EXOG: variants seen among roughly 807,000 people sequenced by gnomAD.
The protein encoded by EXOG is exo/endonuclease G, also known as nuclease EXOG, mitochondrial.
In EXOG, 27 loss-of-function variants were observed where a neutral mutation model predicts 25.8. The observed-to-expected ratio is 1.05, with a 90% confidence interval of 0.77 to 1.45. The LOEUF (loss-of-function observed/expected upper bound fraction) is 1.45, where lower values mean the gene tolerates loss of function less well. Among genes scored for constraint, EXOG ranks in the 40% most tolerant of loss-of-function variants. EXOG has a pLI of 0.00. For missense variants in EXOG, 458 were observed against 450.5 expected (o/e 1.02, Z -0.15); for synonymous variants, 133 against 167.0 (o/e 0.80, Z 1.57).
chr3:38,501,472 C>G lies in EXOG; in HGVS notation c.431C>G (p.Ala144Gly). ...TGGTCACGAGGACACATGGCTCCAG[C>G]AGGAAATAACAAATTTTCAAGTGTA... is the stretch of plus-strand genomic sequence containing the variant. Reference protein sequence around the residue: ...SGWSRGHMAPAGNNKFSSKAM... With the variant: ...SGWSRGHMAPGGNNKFSSKAM... Residue 144 changes from alanine to glycine, a missense_variant, in exon 3 of 6, where the codon GCA becomes GGA. This residue lies in a region of EXOG where 275 missense variants were observed against 230.5 expected (regional missense o/e 1.19). Coordinates refer to ENST00000287675, the MANE Select transcript of EXOG (RefSeq NM_005107.4). The G allele has an allele frequency of 6.2e-7, 1 of 1,613,890 alleles. No homozygotes were observed. Among genetic ancestry groups the G allele is most frequent in the Non-Finnish European group, 8.5e-7 (1 of 1,179,888 alleles).
intron 1 of EXOG, 23 bp from the exon 2 acceptor site, chr3:38,497,603 CCTT>C (rs777659856): frequency 6.0e-6 from 9 of 1,504,116 alleles, no homozygotes; most frequent in East Asian, 4.9e-5. Flanking sequence ...CTCTGCCCCC[CCTT>C]TTTTTTTTTT....
rs373915238 is a variant in EXOG, at chr3:38,501,308, G to A, written c.314-47G>A. On this transcript the variant is annotated intron_variant, in intron 2 of 5. Transcript: ENST00000287675. ...TTGCCTTGCTTAGAGAATCTTGAGG[G>A]ACATTTGTCTACTGATAACATATCC... 2.1e-5 allele frequency: 33 copies of A among 1,567,338 alleles called. No individual in the cohort carries two copies. In the African/African-American group the frequency reaches 4.2e-4, roughly 20 times the overall value.
chr3:38,501,628 A>G (rs752972381), intron 3 of EXOG, 134 bp downstream of exon 3: 2 of 709,394 alleles, frequency 2.8e-6, no homozygotes, highest in South Asian at 2.0e-5. Context: ...CTTCCTGACA[A>G]TATGTCTCTT....
rs1345325526 is a variant in EXOG, at chr3:38,497,672, A to T, written c.207A>T (p.Leu69Phe). ...TCTTGGAACAATTTGGATTCCCTTT[A>T]ACTGGAACAGAGGCAAGGTGTTACA... is the stretch of plus-strand genomic sequence containing the variant. Reference protein sequence around the residue: ...KAVLEQFGFPLTGTEARCYTN... With the variant: ...KAVLEQFGFPFTGTEARCYTN... The change falls in exon 2 of 6, where the codon TTA (leucine) becomes TTT (phenylalanine). Residue 69 changes from leucine (L) to phenylalanine (F), a missense_variant. By Grantham distance (22) the Leu-to-Phe change is conservative. Transcript: ENST00000287675. 6.2e-7 allele frequency: 1 copy of T among 1,602,752 alleles called. No homozygotes were observed. Among genetic ancestry groups the T allele is most frequent in the East Asian group, 2.2e-5 (1 of 44,500 alleles).
chr3:38,506,423 A>T (rs1388304421), intron 4 of EXOG, among the ~76,000 whole-genome samples: 1 of 152,228 alleles, frequency 6.6e-6, no homozygotes, highest in Non-Finnish European at 1.5e-5. Context: ...CTTGAAATTT[A>T]TCCTAAGGAA....
chr3:38,523,256 A>ACAG (rs2125806426), intron 5 of EXOG: 14 of 1,286,902 alleles, frequency 1.1e-5, no homozygotes, highest in African/African-American at 1.5e-5. Context: ...AGAGAAAATG[A>ACAG]CAGCTTTTCT....
Position 38,496,407 on chromosome 3 carries a change from C to A in EXOG, c.40C>A (p.Arg14Ser), listed in dbSNP as rs989147841. The A allele has an allele frequency of 6.2e-7, 1 of 1,614,030 alleles. No individual in the cohort carries two copies. The highest frequency in any genetic ancestry group is 1.7e-5 in the Admixed American group (1 of 60,022). ...KSIASRLRGS[R>S]RFLSGFVAGA... Reference sequence around the variant, plus strand: ...TATCGCTTCCCGCCTCCGGGGTTCCCGTCGTTTTCTGAGCGGCTTCGTGGC... The same window carrying A: ...TATCGCTTCCCGCCTCCGGGGTTCCAGTCGTTTTCTGAGCGGCTTCGTGGC... The change falls in exon 1 of 6, where the codon CGT becomes AGT. Residue 14 changes from arginine to serine, a missense_variant. Arg to Ser is a moderately radical substitution (Grantham distance 110). Transcript: ENST00000287675.
At chr3:38,501,828 C>T (rs2060054569) in intron 3 of EXOG, among the ~76,000 whole-genome samples, 1 of 152,204 alleles carries the variant, frequency 6.6e-6, no homozygotes, top group Non-Finnish European at 1.5e-5. Context: ...GCACTGCAAC[C>T]TCTGCCTCCC....
At chr3:38,507,836 T>A (rs1290859250) in intron 5 of EXOG, among the ~76,000 whole-genome samples, 7 of 152,044 alleles carry the variant, frequency 4.6e-5, no homozygotes, top group Non-Finnish European at 1.0e-4. Context: ...AGTTCCAGGA[T>A]AACAACTAGA....
At chr3:38,521,112 TA>T (rs1204370616) in intron 5 of EXOG, among the ~76,000 whole-genome samples, 1 of 152,222 alleles carries the variant, frequency 6.6e-6, no homozygotes, top group Non-Finnish European at 1.5e-5. Context: ...GTCCCTATAT[TA>T]GACAGATTAA....
chr3:38,504,020 G>A (rs983555706), intron 4 of EXOG, among the ~76,000 whole-genome samples: 29 of 152,060 alleles, frequency 1.9e-4, no homozygotes, highest in African/African-American at 6.5e-4. Flanking sequence ...ATTTTCTCTT[G>A]TATTCCAATA....
intron 3 of EXOG, 133 bp downstream of exon 3, chr3:38,501,627 A>T (rs1259348699): frequency 1.4e-6 from 1 of 711,384 alleles, no homozygotes; most frequent in Admixed American, 2.8e-5. Context: ...TCTTCCTGAC[A>T]ATATGTCTCT....
At chr3:38,502,114 T>A (rs1437596955) in intron 3 of EXOG, among the ~76,000 whole-genome samples, 1 of 152,066 alleles carries the variant, frequency 6.6e-6, no homozygotes, top group African/African-American at 2.4e-5. Flanking sequence ...AGAGATGGGG[T>A]TTCACCACGT....
chr3:38,503,832 T>G (rs2060119334), intron 4 of EXOG, 141 bp downstream of exon 4: 1 of 508,038 alleles, frequency 2.0e-6, no homozygotes, highest in South Asian at 3.6e-5. Flanking sequence ...TGGGCCAGTT[T>G]TCTTTGCTGT....
chr3:38,520,634 T>G (rs2060687374), intron 5 of EXOG, among the ~76,000 whole-genome samples: 1 of 152,206 alleles, frequency 6.6e-6, no homozygotes. Flanking sequence ...AAAACCATCT[T>G]TTGTACCAAA....
At chr3:38,503,469 A>G in intron 3 of EXOG, 146 bp from the exon 4 acceptor site, 1 of 519,262 alleles carries the variant, frequency 1.9e-6, no homozygotes, top group Non-Finnish European at 3.4e-6. Context: ...TGGAATAATT[A>G]TGGCTTTCAT....
chr3:38,507,744 G>A (rs2060245822), intron 5 of EXOG, among the ~76,000 whole-genome samples: 2 of 152,148 alleles, frequency 1.3e-5, no homozygotes, highest in African/African-American at 4.8e-5. Flanking sequence ...GGACATACAA[G>A]CAGTTGGAGT....
At chr3:38,518,518 C>A (rs772288738) in intron 5 of EXOG, among the ~76,000 whole-genome samples, 13 of 152,194 alleles carry the variant, frequency 8.5e-5, no homozygotes, top group Non-Finnish European at 1.3e-4. Flanking sequence ...CTTGCAATTA[C>A]GTACGGCAAT....
chr3:38,518,792 C>G (rs1198624768), intron 5 of EXOG, among the ~76,000 whole-genome samples: 1 of 152,016 alleles, frequency 6.6e-6, no homozygotes, highest in East Asian at 1.9e-4. Flanking sequence ...TTCACTACAC[C>G]CTTACAAAAA....
Sources: gnomAD v4.1 joint callset for allele counts (sites outside exome capture counted in the v4.1 genomes callset) on GRCh38, gnomAD v4.1.1 for gene constraint, gnomAD v4.1.1 regional missense constraint, MANE v1.5 for transcripts, NCBI Gene and HGNC (gene_info 2026-07-23, HGNC 2026-07-21) for gene names.